The following PCSK4 variants were observed in gnomAD, a reference collection of about 807,000 sequenced individuals.
PCSK4 encodes the protein proprotein convertase subtilisin/kexin type 4, also known as testicular tissue protein Li 135.
PCSK4 carries 64 observed loss-of-function variants against 80.3 expected under a neutral mutation model. The observed-to-expected ratio is 0.80, with a 90% CI of 0.65 to 0.98. The LOEUF (loss-of-function observed/expected upper bound fraction) is 0.98. Ranked by LOEUF, PCSK4 falls within the 50% of genes least tolerant of loss-of-function variation. The pLI is 0.00. For synonymous variants in PCSK4, 561 were observed against 487.6 expected, an observed-to-expected ratio of 1.15 and a Z score of -1.98; for missense variants, 1,213 against 1,093.6, an observed-to-expected ratio of 1.11 and a Z score of -1.54.
At chr19:1,482,272 G>A (rs1233757056) in intron 14 of PCSK4, 65 bp from the exon 15 acceptor site, 11 of 1,527,418 alleles carry the variant, frequency 7.2e-6, no homozygotes, top group Admixed American at 4.0e-5. Flanking sequence ...CTCGCCACCC[G>A]CCCGCCTGGG....
exon 15 of PCSK4, chr19:1,481,431 C>T (rs770798240): frequency 2.1e-5 from 5 of 234,346 alleles, no homozygotes; most frequent in Admixed American, 5.1e-5. Flanking sequence ...GACTGAGCAC[C>T]TTCTAAGCAA....
exon 1 of PCSK4, chr19:1,490,332 C>G: frequency 7.6e-7 from 1 of 1,322,530 alleles, no homozygotes; most frequent in Non-Finnish European, 1.0e-6. Flanking sequence ...ACAGCGCAAT[C>G]GGGGCGGGCC....
exon 5 of PCSK4, chr19:1,487,823 C>G: frequency 6.4e-7 from 1 of 1,564,962 alleles, no homozygotes. Flanking sequence ...GCTGGGGGTC[C>G]GGGTCGTAGT....
At chr19:1,483,179 G>T in intron 12 of PCSK4, 105 bp downstream of exon 12, 1 of 1,301,918 alleles carries the variant, frequency 7.7e-7, no homozygotes, top group Non-Finnish European at 1.0e-6. Flanking sequence ...AGGCTGCCGT[G>T]TGACTCCTAT....
At position 1,482,578 on chromosome 19, in the gene PCSK4, C is replaced by T. The variant is rs949555066; in HGVS notation, c.1697-103G>A. 3.4e-5 allele frequency: 48 copies of T among 1,410,806 alleles called. No individual in the cohort carries two copies. The Admixed American group carries it at 5.0e-4, about 15-fold the overall frequency. 87.4% of individuals were successfully genotyped at this position (1,410,806 alleles called of 1,614,324 possible). On this transcript the variant is annotated intron_variant, in intron 13 of 14. Transcript: ENST00000300954. ...TCCCCTTCAGCTCCCACGCGGGGCC[C>T]TGGACTGGTTCACATCTCTCAGGGA...
exon 1 of PCSK4, chr19:1,490,286 G>A (rs73516829): frequency 0.039 from 61,140 of 1,586,196 alleles, 1,755 homozygotes; most frequent in African/African-American, 0.14. Flanking sequence ...ACAGCCCGGG[G>A]GCGGACAAGG....
chr19:1,482,656 T>C (rs1186432005), intron 13 of PCSK4, 181 bp from the exon 14 acceptor site: 7 of 825,072 alleles, frequency 8.5e-6, no homozygotes, highest in Admixed American at 2.7e-5. Flanking sequence ...CCCGGGTGAC[T>C]GCACACCTAC....
At chr19:1,489,473 A>T (rs1253179650) in intron 2 of PCSK4, 2 of 338,966 alleles carry the variant, frequency 5.9e-6, no homozygotes, top group Non-Finnish European at 1.1e-5. Flanking sequence ...GTGTCGTAAA[A>T]TCCCCTTCCC....
intron 8 of PCSK4, among the ~76,000 whole-genome samples, chr19:1,486,543 G>A (rs144971613): frequency 0.033 from 4,940 of 149,470 alleles, 92 homozygotes; most frequent in East Asian, 0.055. Flanking sequence ...TGATCCACCC[G>A]CCTCGGCCTC....
intron 2 of PCSK4, 109 bp downstream of exon 2, chr19:1,489,684 G>A: frequency 1.3e-6 from 2 of 1,493,288 alleles, no homozygotes; most frequent in Middle Eastern, 1.7e-4. Context: ...CTGAGCCACA[G>A]AAAGCACACA....
At chr19:1,490,196 G>C in exon 1 of PCSK4, 1 of 1,613,540 alleles carries the variant, frequency 6.2e-7, no homozygotes, top group Non-Finnish European at 8.5e-7. Context: ...CGTGCCAGGC[G>C]CTCGACCTCC....
In PCSK4 at chr19:1,482,571, C is replaced by T. The variant is rs753574432; in HGVS notation, c.1697-96G>A. 3.2e-5 allele frequency: 47 copies of T among 1,463,250 alleles called. 2 individuals are homozygous for T. The South Asian group carries it at 4.5e-4, about 14-fold the overall frequency. The allele number at this position is 1,463,250 out of a possible 1,614,324, so 90.6% of individuals were successfully genotyped here. The stretch of plus-strand genomic sequence containing the variant: ...GGCTCCCTCCCCTTCAGCTCCCACG[C>T]GGGGCCCTGGACTGGTTCACATCTC... On this transcript the variant is annotated intron_variant, in intron 13 of 14. Transcript: ENST00000300954.
rs747644991 is a variant in PCSK4 at position 1,487,083 on chromosome 19, G to T, written c.856-18C>A. 4 of 1,602,930 alleles carry T rather than the reference G, an allele frequency of 2.5e-6. No homozygotes were observed. The African/African-American group carries it at 5.4e-5, about 21-fold the overall frequency. Reference sequence around the variant, plus strand: ...CCGCGGCCCTGGGAAACCAGGAGGGGCGGGGAGGGGGCGTCGGCCTGGCCT... The same window carrying T: ...CCGCGGCCCTGGGAAACCAGGAGGGTCGGGGAGGGGGCGTCGGCCTGGCCT... On this transcript the variant is annotated intron_variant, in intron 7 of 14. Transcript: ENST00000300954.
upstream of PCSK4, chr19:1,490,509 CAG>C (rs1048870850): frequency 1.2e-5 from 6 of 518,620 alleles, no homozygotes; most frequent in African/African-American, 4.1e-5. Flanking sequence ...GAAGATCTAA[CAG>C]AAGCGGGAGA....
Position 1,488,098 on chromosome 19 carries a change from G to A in PCSK4, c.388-6C>T. 6.2e-7 allele frequency: 1 copy of A among 1,612,794 alleles called. No homozygotes were observed. On this transcript the variant is annotated splice_polypyrimidine_tract_variant and splice_region_variant and intron_variant, in intron 3 of 14. Transcript: ENST00000300954. ...TCTGGTTGGGCCTCGCTGTTCTGCA[G>A]GGGGAGGCGGGGTTGTGACCCTGTG...
intron 12 of PCSK4, 86 bp downstream of exon 12, chr19:1,483,197 GC>G: frequency 1.5e-6 from 2 of 1,359,144 alleles, no homozygotes; most frequent in Non-Finnish European, 2.0e-6. Context: ...TATGGGCCTG[GC>G]CCCTCCCCGT....
chr19:1,484,015 G>A lies in PCSK4; in HGVS notation c.1169+12C>T, dbSNP rs773257703. 17 of 1,528,648 alleles carry A rather than the reference G, an allele frequency of 1.1e-5. No individual in the cohort carries two copies. Among genetic ancestry groups the A allele is most frequent in the Middle Eastern group, 2.1e-4 (1 of 4,820 alleles). The allele number at this position is 1,528,648 out of a possible 1,614,324, so 94.7% of individuals were successfully genotyped here. A position where few individuals can be genotyped will look rare whatever the true frequency, so the allele number is the denominator to read the frequency against. ...GGGCGAGGGCGGTGGACCGGGCCCC[G>A]CAGTCACCTACTTGGCCTCCAGCGC... is the stretch of plus-strand genomic sequence containing the variant. On this transcript the variant is annotated intron_variant, in intron 9 of 14. Transcript: ENST00000300954.
chr19:1,481,664 G>A (rs908507349), exon 15 of PCSK4: 40 of 841,522 alleles, frequency 4.8e-5, no homozygotes, highest in Non-Finnish European at 6.8e-5. Flanking sequence ...GGGTGCTGGT[G>A]CTCGCTCCTC....
chr19:1,482,175 G>A, exon 15 of PCSK4: 2 of 1,555,478 alleles, frequency 1.3e-6, no homozygotes, highest in East Asian at 2.4e-5. Context: ...GCCAGGCAGA[G>A]CTGTCCCAGG....
Sources: allele counts gnomAD v4.1 joint callset (sites outside exome capture counted in the v4.1 genomes callset), GRCh38; gene constraint gnomAD v4.1.1; transcripts MANE v1.5; gene names NCBI Gene and HGNC (gene_info 2026-07-23, HGNC 2026-07-21).